IPO11: variants seen among roughly 807,000 people sequenced by gnomAD.
IPO11 encodes the protein importin 11.
A neutral mutation model predicts 143.2 loss-of-function variants in IPO11; 66 were observed. The observed-to-expected ratio is 0.46, with a 90% CI of 0.38 to 0.57. The LOEUF is 0.57. Ranked by LOEUF, IPO11 falls within the 20% of genes least tolerant of loss-of-function variation. IPO11 has a pLI of 0.00. For missense variants in IPO11, 1,026 were observed against 1,141.0 expected (o/e 0.90, Z 1.45); for synonymous variants, 385 against 377.8 (o/e 1.02, Z -0.22).
chr5:62,508,504 TTTC>T (rs933097655), intron 19 of IPO11, among the ~76,000 whole-genome samples: 92 of 151,808 alleles, frequency 6.1e-4, no homozygotes, highest in Non-Finnish European at 1.0e-3. Flanking sequence ...ACAATAGTGC[TTTC>T]TTCTTCTTCT....
At position 62,585,582 on chromosome 5, in the gene IPO11, G is replaced by T. The variant is rs144715190; in HGVS notation, c.2583-5995G>T. Among the ~76,000 whole-genome samples, 3 of 152,214 alleles carry T rather than the reference G, an allele frequency of 2.0e-5. No individual in the cohort carries two copies. The East Asian group carries it at 5.8e-4, about 29-fold the overall frequency. ...CTGAGTAAACTAGGATTAAGGGTTT[G>T]GATTTTTAAGTGTAATGGAAAGTTA... On this transcript the variant is annotated intron_variant, in intron 27 of 29. Transcript: ENST00000325324.
intron 5 of IPO11, among the ~76,000 whole-genome samples, chr5:62,459,938 A>G (rs910763652): frequency 6.6e-6 from 1 of 152,220 alleles, no homozygotes; most frequent in African/African-American, 2.4e-5. Context: ...AAAATTGAAA[A>G]TACATTTTAA....
chr5:62,487,137 T>G (rs1746435130), intron 12 of IPO11, among the ~76,000 whole-genome samples: 2 of 152,208 alleles, frequency 1.3e-5, no homozygotes. Context: ...TCAGTACTTT[T>G]AAGAACCAAA....
chr5:62,563,823 G>A (rs543621298), intron 27 of IPO11, among the ~76,000 whole-genome samples: 1 of 152,216 alleles, frequency 6.6e-6, no homozygotes, highest in Middle Eastern at 3.4e-3. Context: ...TTGGATTAGG[G>A]ATGCTCAATC....
chr5:62,602,134 G>A (rs1338992268), intron 29 of IPO11, among the ~76,000 whole-genome samples: 2 of 152,106 alleles, frequency 1.3e-5, no homozygotes, highest in East Asian at 1.9e-4. Flanking sequence ...CCTTATTTAA[G>A]TTGAAATGTT....
intron 26 of IPO11, among the ~76,000 whole-genome samples, chr5:62,553,282 C>T (rs1743452533): frequency 6.6e-6 from 1 of 151,584 alleles, no homozygotes; most frequent in African/African-American, 2.4e-5. Context: ...CCATGAATGA[C>T]AGGAATTCAT....
At chr5:62,434,340 T>C (rs1744097500) in intron 1 of IPO11, among the ~76,000 whole-genome samples, 1 of 152,144 alleles carries the variant, frequency 6.6e-6, no homozygotes, top group African/African-American at 2.4e-5. Context: ...GTTTCTCTGT[T>C]GCCCAGGCTG....
chr5:62,579,963 C>T, intron 27 of IPO11: 1 of 1,551,118 alleles, frequency 6.4e-7, no homozygotes, highest in East Asian at 2.4e-5. Flanking sequence ...GGAGTGGTAC[C>T]TTTGTTGGTA....
At chr5:62,458,807 T>C (rs1048083678) in intron 5 of IPO11, among the ~76,000 whole-genome samples, 5 of 152,216 alleles carry the variant, frequency 3.3e-5, no homozygotes, top group South Asian at 2.1e-4. Flanking sequence ...AGCTGTGCGC[T>C]GAACAGAAGA....
At chr5:62,495,561 A>G (rs1433050388) in intron 16 of IPO11, among the ~76,000 whole-genome samples, 1 of 152,086 alleles carries the variant, frequency 6.6e-6, no homozygotes, top group Non-Finnish European at 1.5e-5. Context: ...TGTAGCCTCA[A>G]TGTCCTGGGC....
intron 1 of IPO11, among the ~76,000 whole-genome samples, chr5:62,430,765 C>A (rs112207028): frequency 0.017 from 2,526 of 150,844 alleles, 63 homozygotes; most frequent in African/African-American, 0.059. Context: ...GCAACCTCTG[C>A]CTCCTGGGTT....
At chr5:62,482,753 AT>A (rs1007361867) in intron 9 of IPO11, among the ~76,000 whole-genome samples, 3 of 152,164 alleles carry the variant, frequency 2.0e-5, no homozygotes, top group Non-Finnish European at 4.4e-5. Flanking sequence ...GGAAGATAAT[AT>A]TTAAATTCTT....
At chr5:62,523,965 G>T (rs1742285511) in intron 20 of IPO11, among the ~76,000 whole-genome samples, 1 of 152,058 alleles carries the variant, frequency 6.6e-6, no homozygotes, top group African/African-American at 2.4e-5. Flanking sequence ...TTGAAAGATT[G>T]TATAGAGAAA....
intron 19 of IPO11, among the ~76,000 whole-genome samples, chr5:62,509,454 G>T (rs1378736117): frequency 2.6e-5 from 4 of 152,096 alleles, no homozygotes; most frequent in African/African-American, 9.7e-5. Flanking sequence ...TAACTCATAA[G>T]ACTATAATAC....
chr5:62,460,263 ATGTCTTAC>A (rs1264212298), intron 5 of IPO11, among the ~76,000 whole-genome samples: 1 of 77,058 alleles, frequency 1.3e-5, no homozygotes, highest in African/African-American at 6.4e-5. Context: ...TGCATTTGAC[ATGTCTTAC>A]AAATCTTTTA....
intron 18 of IPO11, among the ~76,000 whole-genome samples, chr5:62,505,965 G>A (rs964544608): frequency 3.9e-5 from 6 of 152,010 alleles, no homozygotes; most frequent in East Asian, 1.9e-4. Flanking sequence ...CAGACATAGC[G>A]TAGACAATAT....
intron 29 of IPO11, among the ~76,000 whole-genome samples, chr5:62,610,812 T>C (rs963223969): frequency 1.3e-5 from 2 of 152,182 alleles, no homozygotes; most frequent in Non-Finnish European, 2.9e-5. Flanking sequence ...ATGCTTACCA[T>C]GTGAAAACCA....
chr5:62,574,649 G>C (rs577500410), intron 27 of IPO11, among the ~76,000 whole-genome samples: 1 of 152,230 alleles, frequency 6.6e-6, no homozygotes, highest in Admixed American at 6.5e-5. Flanking sequence ...TCTGCTTTCT[G>C]TGCTTTGCAG....
rs1221549185 is a variant in IPO11 at position 62,434,848 on chromosome 5, A to G, written c.-6-2426A>G. On this transcript the variant is annotated intron_variant, in intron 1 of 29. Transcript: ENST00000325324. ...GAGACCATCCTGGCCAATATGGTGA[A>G]ACCCAGTCTCTACTAAAAATACAAA... Among the ~76,000 whole-genome samples, 3 of 151,496 alleles carry G rather than the reference A, an allele frequency of 2.0e-5. No homozygotes were observed. In the East Asian group the frequency reaches 5.8e-4, roughly 29 times the overall value.
Sources: gnomAD v4.1 joint callset for allele counts (sites outside exome capture counted in the v4.1 genomes callset) on GRCh38, gnomAD v4.1.1 for gene constraint, MANE v1.5 for transcripts, NCBI Gene and HGNC (gene_info 2026-07-23, HGNC 2026-07-21) for gene names.